Variants in SSBP2 observed in about 807,000 individuals in gnomAD.
SSBP2 encodes single-stranded DNA-binding protein 2.
SSBP2 carries 17 observed loss-of-function variants against 61.8 expected under a neutral mutation model. That is an observed-to-expected ratio of 0.28 (90% CI 0.19 to 0.41). The LOEUF is 0.41. Among genes scored for constraint, SSBP2 ranks in the 10% least tolerant of loss-of-function variants. SSBP2 has a pLI of 1.00. For synonymous variants in SSBP2, 139 were observed against 141.3 expected, an observed-to-expected ratio of 0.98 and a Z score of 0.12; for missense variants, 310 against 458.7, an observed-to-expected ratio of 0.68 and a Z score of 2.96.
At chr5:81,481,887 C>T (rs1346045325) in intron 6 of SSBP2, among the ~76,000 whole-genome samples, 2 of 151,948 alleles carry the variant, frequency 1.3e-5, no homozygotes, top group Non-Finnish European at 2.9e-5. Context: ...AAAAAAGATG[C>T]ACTGTCATCC....
chr5:81,667,811 A>G (rs927349118), intron 1 of SSBP2, among the ~76,000 whole-genome samples: 2 of 152,136 alleles, frequency 1.3e-5, no homozygotes, highest in Non-Finnish European at 2.9e-5. Context: ...TTTTGTCACC[A>G]TATTTTCTTA....
chr5:81,509,565 G>A (rs1187427939), intron 5 of SSBP2, among the ~76,000 whole-genome samples: 1 of 152,100 alleles, frequency 6.6e-6, no homozygotes, highest in Non-Finnish European at 1.5e-5. Context: ...ATCATTATAT[G>A]TACCAAAAGA....
intron 11 of SSBP2, among the ~76,000 whole-genome samples, chr5:81,447,647 C>T (rs988825171): frequency 1.3e-5 from 2 of 152,146 alleles, no homozygotes; most frequent in Admixed American, 1.3e-4. Flanking sequence ...TCTGAATGTA[C>T]AGATACAGCC....
intron 5 of SSBP2, among the ~76,000 whole-genome samples, chr5:81,491,705 T>C (rs919435331): frequency 6.6e-6 from 1 of 152,134 alleles, no homozygotes; most frequent in Non-Finnish European, 1.5e-5. Flanking sequence ...TGTATGTTTT[T>C]TTGGAGGCCA....
At chr5:81,627,646 T>C (rs948407870) in intron 3 of SSBP2, among the ~76,000 whole-genome samples, 11 of 152,208 alleles carry the variant, frequency 7.2e-5, no homozygotes, top group African/African-American at 2.7e-4. Flanking sequence ...ACAGAATTCT[T>C]AGAATAATCT....
At chr5:81,576,188 CTT>C (rs576003769) in intron 4 of SSBP2, among the ~76,000 whole-genome samples, 5 of 141,526 alleles carry the variant, frequency 3.5e-5, no homozygotes, top group Non-Finnish European at 3.1e-5. Flanking sequence ...TATCAGGCTT[CTT>C]TTTTTTTTTT....
rs975965275 is a variant in SSBP2 at position 81,440,605 on chromosome 5, A to G, written c.881T>C (p.Met294Thr). 2 of 1,613,398 alleles carry G rather than the reference A, an allele frequency of 1.2e-6. No individual in the cohort carries two copies. Among genetic ancestry groups the G allele is most frequent in the African/African-American group, 2.7e-5 (2 of 75,022 alleles). ...TGACTCCATTCCTCCTAATCCACCC[A>G]TGGGACCATCTGACCCAGGACCCAT... Residue 294 changes from methionine (M) to threonine (T), a missense_variant, in exon 14 of 17, where the codon ATG becomes ACG. Coordinates refer to ENST00000320672, the MANE Select transcript of SSBP2 (RefSeq NM_012446.5).
chr5:81,501,582 A>G (rs1170628488), intron 5 of SSBP2, among the ~76,000 whole-genome samples: 19 of 67,214 alleles, frequency 2.8e-4, no homozygotes, highest in Admixed American at 4.0e-4. Flanking sequence ...TTTTTTTTTG[A>G]GATGGAGTCT....
At chr5:81,675,361 C>T (rs1053966137) in intron 1 of SSBP2, among the ~76,000 whole-genome samples, 2 of 152,130 alleles carry the variant, frequency 1.3e-5, no homozygotes. Context: ...AGTGGGAAGA[C>T]TTAAACAGGG....
intron 4 of SSBP2, among the ~76,000 whole-genome samples, chr5:81,557,318 T>C (rs1323267117): frequency 1.3e-5 from 2 of 152,194 alleles, no homozygotes; most frequent in African/African-American, 2.4e-5. Flanking sequence ...TGCATTGGTG[T>C]ATTTTTCTTC....
chr5:81,701,590 T>C lies in SSBP2; in HGVS notation c.62+49391A>G, dbSNP rs140458924. The stretch of plus-strand genomic sequence containing the variant: ...CACCTGTACTATGTGCCAAGCACCA[T>C]GCTAAATTATCCCACTAAAGATGTC... On this transcript the variant is annotated intron_variant, in intron 1 of 16. Transcript: ENST00000320672. Among the ~76,000 whole-genome samples, 176 of 152,342 alleles carry C rather than the reference T, an allele frequency of 1.2e-3. 1 individual carries two copies. The highest frequency in any genetic ancestry group is 4.0e-3 in the African/African-American group (168 of 41,586).
intron 6 of SSBP2, among the ~76,000 whole-genome samples, chr5:81,480,461 T>C (rs1201258322): frequency 6.6e-6 from 1 of 152,230 alleles, no homozygotes; most frequent in Non-Finnish European, 1.5e-5. Context: ...ATTTTGTTGG[T>C]AAAAAATGCT....
intron 9 of SSBP2, among the ~76,000 whole-genome samples, chr5:81,461,588 C>CT (rs1225468909): frequency 7.4e-6 from 1 of 134,720 alleles, no homozygotes; most frequent in Admixed American, 7.2e-5. Flanking sequence ...CTAAAGTTGC[C>CT]TTTTAAAAAA....
intron 2 of SSBP2, 71 bp from the exon 3 acceptor site, chr5:81,636,689 T>TC (rs1748270837): frequency 1.8e-6 from 2 of 1,141,316 alleles, no homozygotes; most frequent in Non-Finnish European, 2.5e-6. Context: ...AGTAATAATA[T>TC]CCCCATTTAA....
At chr5:81,693,256 T>C (rs1431910435) in intron 1 of SSBP2, among the ~76,000 whole-genome samples, 1 of 148,084 alleles carries the variant, frequency 6.8e-6, no homozygotes, top group African/African-American at 2.5e-5. Context: ...CTCCAGGACA[T>C]TGGACTGGGC....
At chr5:81,620,219 C>G (rs1746439608) in intron 3 of SSBP2, among the ~76,000 whole-genome samples, 1 of 112,720 alleles carries the variant, frequency 8.9e-6, no homozygotes, top group Non-Finnish European at 1.8e-5. Flanking sequence ...CGTCTCAGCC[C>G]AAAATCTCCT....
At position 81,691,758 on chromosome 5, in the gene SSBP2, A is replaced by G. The variant is rs142730479; in HGVS notation, c.63-41419T>C. Among the ~76,000 whole-genome samples the G allele has an allele frequency of 4.1e-3, 631 of 152,314 alleles. 6 individuals are homozygous for G. The highest frequency in any genetic ancestry group is 0.014 in the African/African-American group (581 of 41,576). Reference sequence around the variant, plus strand: ...ACCAAAACCAGACAAAGACACATCAAAAAAAGAAAACTACAAGCCAATATC... The same window carrying G: ...ACCAAAACCAGACAAAGACACATCAGAAAAAGAAAACTACAAGCCAATATC... On this transcript the variant is annotated intron_variant, in intron 1 of 16. Transcript: ENST00000320672.
intron 1 of SSBP2, among the ~76,000 whole-genome samples, chr5:81,653,993 G>GT (rs1241049201): frequency 9.5e-5 from 12 of 126,866 alleles, no homozygotes; most frequent in Middle Eastern, 5.6e-3. Flanking sequence ...GGTGTTTTTT[G>GT]TTTTGTTTTT....
intron 12 of SSBP2, among the ~76,000 whole-genome samples, chr5:81,443,975 C>T (rs1419312591): frequency 6.6e-6 from 1 of 152,096 alleles, no homozygotes; most frequent in Non-Finnish European, 1.5e-5. Flanking sequence ...AATTACTTTT[C>T]CTTTTACTGT....
Sources: allele counts gnomAD v4.1 joint callset (sites outside exome capture counted in the v4.1 genomes callset), GRCh38; gene constraint gnomAD v4.1.1; transcripts MANE v1.5; gene names NCBI Gene and HGNC (gene_info 2026-07-23, HGNC 2026-07-21).